Variants in TRIM5 observed in about 807,000 individuals in gnomAD.
TRIM5 encodes the protein tripartite motif containing 5.
Under a neutral mutation model 35.6 loss-of-function variants are expected in TRIM5, and 31 were observed. That is an observed-to-expected ratio of 0.87 (90% confidence interval 0.65 to 1.18). TRIM5 has a LOEUF of 1.18. Among genes scored for constraint, TRIM5 ranks in the 50% most tolerant of loss-of-function variants. TRIM5 has a pLI of 0.00. For missense variants in TRIM5, 609 were observed against 591.6 expected (o/e 1.03, Z -0.31); for synonymous variants, 243 against 215.6 (o/e 1.13, Z -1.11).
chr11:5,658,249 T>C (rs1467438723), downstream of TRIM5, among the ~76,000 whole-genome samples: 1 of 152,194 alleles, frequency 6.6e-6, no homozygotes, highest in African/African-American at 2.4e-5. Flanking sequence ...CAGCGACCAA[T>C]GGACCGATGC....
the TRIM5 span, among the ~76,000 whole-genome samples, chr11:5,608,698 CA>C: frequency 1.1e-4 from 16 of 149,512 alleles, no homozygotes; most frequent in African/African-American, 3.4e-4. Context: ...CTCAAACAAA[CA>C]AAAAAAAATG....
chr11:5,605,416 G>A, the TRIM5 span: 38 of 1,614,144 alleles, frequency 2.4e-5, no homozygotes, highest in East Asian at 2.2e-4. Flanking sequence ...GTGGAGCAAC[G>A]GGAGCTGAAA....
the TRIM5 span, among the ~76,000 whole-genome samples, chr11:5,635,357 G>A: frequency 1.3e-5 from 2 of 149,990 alleles, no homozygotes; most frequent in Non-Finnish European, 2.9e-5. Flanking sequence ...CCAGGTTCAC[G>A]CCATTCTCCT....
chr11:5,657,741 G>T, the TRIM5 span, among the ~76,000 whole-genome samples: 1 of 131,786 alleles, frequency 7.6e-6, no homozygotes, highest in East Asian at 2.1e-4. Context: ...TTATATTCTG[G>T]AATAGCTGGG....
the TRIM5 span, among the ~76,000 whole-genome samples, chr11:5,654,542 T>G: frequency 6.6e-6 from 1 of 152,112 alleles, no homozygotes; most frequent in Admixed American, 6.6e-5. Context: ...CACGTGTGAG[T>G]ACCAGTGGTG....
the TRIM5 span, among the ~76,000 whole-genome samples, chr11:5,651,068 G>A: frequency 6.6e-6 from 1 of 152,178 alleles, no homozygotes; most frequent in African/African-American, 2.4e-5. Flanking sequence ...GGACTGGAGT[G>A]ACACCTCAAA....
chr11:5,603,943 C>G, the TRIM5 span, among the ~76,000 whole-genome samples: 4 of 151,750 alleles, frequency 2.6e-5, no homozygotes, highest in African/African-American at 2.4e-5. Context: ...AAAAGGGGTA[C>G]TTGGTTGATT....
At chr11:5,605,325 C>T in the TRIM5 span, 2 of 1,613,912 alleles carry the variant, frequency 1.2e-6, no homozygotes, top group Non-Finnish European at 1.7e-6. Flanking sequence ...TTTTTCTTCC[C>T]TGTTCCTGAA....
chr11:5,633,400 G>GAA, the TRIM5 span, among the ~76,000 whole-genome samples: 1 of 152,024 alleles, frequency 6.6e-6, no homozygotes, highest in Non-Finnish European at 1.5e-5. Context: ...CCAAGAATGA[G>GAA]AAATTTTTGT....
chr11:5,640,339 T>A, the TRIM5 span, among the ~76,000 whole-genome samples: 4 of 152,058 alleles, frequency 2.6e-5, no homozygotes, highest in Admixed American at 2.6e-4. Context: ...GTTTTTTTTA[T>A]GAAAGTGTGC....
chr11:5,607,275 A>T, the TRIM5 span, among the ~76,000 whole-genome samples: 21 of 152,226 alleles, frequency 1.4e-4, no homozygotes, highest in African/African-American at 4.8e-4. Flanking sequence ...TAAGAGAAGT[A>T]GCCACATGAA....
At chr11:5,610,157 G>A in the TRIM5 span, 2 of 1,614,112 alleles carry the variant, frequency 1.2e-6, no homozygotes, top group Non-Finnish European at 1.7e-6. Flanking sequence ...GTGAGTTCTG[G>A]ACCCTGAGGA....
the TRIM5 span, chr11:5,632,822 CTTTTT>C: frequency 1.7e-3 from 1,680 of 978,138 alleles, no homozygotes; most frequent in East Asian, 3.7e-3. Flanking sequence ...CCTTTTCATC[CTTTTT>C]TTTTTTTTTT....
the TRIM5 span, among the ~76,000 whole-genome samples, chr11:5,629,553 C>T: frequency 6.6e-6 from 1 of 152,210 alleles, no homozygotes; most frequent in Non-Finnish European, 1.5e-5. Flanking sequence ...CATGCCACTA[C>T]TCTGTGGTAC....
At chr11:5,657,563 ATAT>A in the TRIM5 span, among the ~76,000 whole-genome samples, 18 of 101,540 alleles carry the variant, frequency 1.8e-4, no homozygotes, top group African/African-American at 6.4e-4. Flanking sequence ...GCATTTATAT[ATAT>A]TATTTATATA....
At chr11:5,599,249 G>A in the TRIM5 span, among the ~76,000 whole-genome samples, 1 of 152,142 alleles carries the variant, frequency 6.6e-6, no homozygotes, top group African/African-American at 2.4e-5. Context: ...GCATTTATGA[G>A]GCAGTAGTTC....
At chr11:5,607,388 C>T in the TRIM5 span, among the ~76,000 whole-genome samples, 1 of 152,142 alleles carries the variant, frequency 6.6e-6, no homozygotes, top group Non-Finnish European at 1.5e-5. Context: ...AGCACCTCTA[C>T]CACATTCTAT....
intron 1 of TRIM5, among the ~76,000 whole-genome samples, chr11:5,682,238 T>G (rs1435321348): frequency 6.6e-6 from 1 of 152,168 alleles, no homozygotes; most frequent in African/African-American, 2.4e-5. Flanking sequence ...ATTCTGTCTC[T>G]ACTAAAAATA....
At chr11:5,672,586 A>G (rs900933802) in intron 4 of TRIM5, among the ~76,000 whole-genome samples, 1 of 152,194 alleles carries the variant, frequency 6.6e-6, no homozygotes, top group Non-Finnish European at 1.5e-5. Context: ...CCAAAGATTT[A>G]CCCAAATTCA....
Sources: allele counts gnomAD v4.1 joint callset (sites outside exome capture counted in the v4.1 genomes callset), GRCh38; gene constraint gnomAD v4.1.1; transcripts MANE v1.5; gene names NCBI Gene and HGNC (gene_info 2026-07-23, HGNC 2026-07-21).